The following SATL1 variants were observed in gnomAD, a reference collection of about 807,000 sequenced individuals.
The protein encoded by SATL1 is spermidine/spermine N1-acetyl transferase like 1, also known as spermidine/spermine N(1)-acetyltransferase-like protein 1.
Under a neutral mutation model 51.8 loss-of-function variants are expected in SATL1, and 47 were observed. The observed-to-expected ratio is 0.91, with a 90% CI of 0.72 to 1.16. The LOEUF is 1.16. SATL1 is among the 50% of genes most tolerant of loss of function. The pLI is 0.00. For synonymous variants in SATL1, 176 were observed against 182.4 expected (o/e 0.97, Z 0.28); for missense variants, 520 against 526.4 (o/e 0.99, Z 0.12).
chrX:85,128,981 G>T (rs143465382), intron 2 of SATL1, among the ~76,000 whole-genome samples: 1 of 111,278 alleles, frequency 9.0e-6, no homozygotes, highest in Admixed American at 9.6e-5. Flanking sequence ...ATTTCTGAGG[G>T]CTCTGTTCTG....
chrX:85,192,935 T>C (rs943216780), intron 2 of SATL1, among the ~76,000 whole-genome samples: 1 of 111,609 alleles, frequency 9.0e-6, no homozygotes, highest in Non-Finnish European at 1.9e-5. Context: ...ATACAGAAGT[T>C]TTAATCTTAA....
At chrX:85,146,110 G>A (rs1660173139) in intron 2 of SATL1, among the ~76,000 whole-genome samples, 2 of 110,584 alleles carry the variant, frequency 1.8e-5, no homozygotes, top group Non-Finnish European at 3.8e-5. Context: ...GTGTTAGCCA[G>A]GCTGATCTCG....
intron 2 of SATL1, among the ~76,000 whole-genome samples, chrX:85,185,513 T>C (rs182110291): frequency 1.8e-5 from 2 of 111,278 alleles, no homozygotes; most frequent in Non-Finnish European, 3.8e-5. Flanking sequence ...TCTATTCTAC[T>C]GTAGCTGATC....
chrX:85,200,021 G>A (rs1459793235), intron 2 of SATL1, among the ~76,000 whole-genome samples: 1 of 111,800 alleles, frequency 8.9e-6, no homozygotes, highest in Non-Finnish European at 1.9e-5. Context: ...ACCCTGATGT[G>A]ATTATTACAC....
intron 2 of SATL1, among the ~76,000 whole-genome samples, chrX:85,189,911 T>C (rs1341710663): frequency 1.8e-5 from 2 of 112,232 alleles, no homozygotes; most frequent in African/African-American, 3.2e-5. Context: ...TGTTACTAAA[T>C]TGAAAAATGA....
chrX:85,118,874 A>G (rs915973947), intron 2 of SATL1, among the ~76,000 whole-genome samples: 1 of 111,599 alleles, frequency 9.0e-6, no homozygotes, highest in African/African-American at 3.3e-5. Flanking sequence ...CACGATAAAT[A>G]TATACAAGTT....
intron 2 of SATL1, among the ~76,000 whole-genome samples, chrX:85,215,198 G>A (rs1258848425): frequency 1.8e-5 from 2 of 111,661 alleles, no homozygotes; most frequent in African/African-American, 6.5e-5. Flanking sequence ...CACAGCTGGA[G>A]CCGAAGTGGT....
intron 2 of SATL1, among the ~76,000 whole-genome samples, chrX:85,163,855 G>C (rs1182324000): frequency 8.9e-6 from 1 of 111,782 alleles, no homozygotes; most frequent in Non-Finnish European, 1.9e-5. Flanking sequence ...TGTCAGTGGA[G>C]TATTGAAGTC....
chrX:85,122,861 T>G (rs1209610147), intron 2 of SATL1, among the ~76,000 whole-genome samples: 2 of 111,370 alleles, frequency 1.8e-5, no homozygotes, highest in African/African-American at 6.5e-5. Flanking sequence ...TTGTTTGTGC[T>G]TGTTTGTATT....
chrX:85,120,977 G>A (rs758022440), intron 2 of SATL1, among the ~76,000 whole-genome samples: 47 of 111,078 alleles, frequency 4.2e-4, no homozygotes, highest in African/African-American at 1.3e-3. Flanking sequence ...ATGGAAAGAG[G>A]TAGTAGAAGA....
chrX:85,188,960 A>G (rs1407782612), intron 2 of SATL1, among the ~76,000 whole-genome samples: 1 of 112,082 alleles, frequency 8.9e-6, no homozygotes, highest in East Asian at 2.8e-4. Flanking sequence ...AATTGGCCAC[A>G]ATATTCTTGG....
At chrX:85,186,672 A>G (rs1019960684) in intron 2 of SATL1, among the ~76,000 whole-genome samples, 1 of 111,595 alleles carries the variant, frequency 9.0e-6, no homozygotes, top group Non-Finnish European at 1.9e-5. Context: ...AAGTACACAG[A>G]TTTTCTTTCT....
chrX:85,142,411 A>G (rs1426417714), intron 2 of SATL1, among the ~76,000 whole-genome samples: 2 of 108,447 alleles, frequency 1.8e-5, no homozygotes, highest in African/African-American at 6.7e-5. Flanking sequence ...AAAAAAAAAA[A>G]AAATTGAAGT....
chrX:85,241,546 G>GT (rs757060018), intron 1 of SATL1, among the ~76,000 whole-genome samples: 64 of 111,547 alleles, frequency 5.7e-4, no homozygotes, highest in East Asian at 4.0e-3. Flanking sequence ...AGCTCTAACA[G>GT]TTTTTTTTCC....
chrX:85,160,715 C>T (rs968488017), intron 2 of SATL1, among the ~76,000 whole-genome samples: 7 of 110,073 alleles, frequency 6.4e-5, no homozygotes, highest in African/African-American at 2.3e-4. Context: ...ACTGGTGTCC[C>T]TGAAAGATGG....
chrX:85,127,768 T>C (rs1925663274), intron 2 of SATL1, among the ~76,000 whole-genome samples: 1 of 110,982 alleles, frequency 9.0e-6, no homozygotes, highest in Admixed American at 9.6e-5. Context: ...TTACATTAGG[T>C]ATTTCTCCTA....
At chrX:85,119,295 G>T (rs1287025899) in intron 2 of SATL1, among the ~76,000 whole-genome samples, 1 of 111,324 alleles carries the variant, frequency 9.0e-6, no homozygotes, top group African/African-American at 3.3e-5. Flanking sequence ...GCAAATACAA[G>T]ACTGGTGTGT....
chrX:85,132,478 A>T (rs1360549778), intron 2 of SATL1, among the ~76,000 whole-genome samples: 3 of 111,105 alleles, frequency 2.7e-5, no homozygotes, highest in Non-Finnish European at 5.7e-5. Flanking sequence ...CATATTTCTC[A>T]TGCTGTGATT....
intron 2 of SATL1, among the ~76,000 whole-genome samples, chrX:85,181,610 C>A (rs891416066): frequency 9.0e-6 from 1 of 110,641 alleles, no homozygotes; most frequent in Non-Finnish European, 1.9e-5. Flanking sequence ...ATGCAATCTG[C>A]AAAATCATAC....
Sources: gnomAD v4.1 joint callset for allele counts (sites outside exome capture counted in the v4.1 genomes callset) on GRCh38, gnomAD v4.1.1 for gene constraint, MANE v1.5 for transcripts, NCBI Gene and HGNC (gene_info 2026-07-23, HGNC 2026-07-21) for gene names.